Variants in FHIT observed in about 807,000 individuals in gnomAD.
FHIT encodes the protein bis(5'-adenosyl)-triphosphatase.
In FHIT, 19 loss-of-function variants were observed where a neutral mutation model predicts 17.9. The ratio of observed to expected loss-of-function variants is 1.06; its 90% CI spans 0.74 to 1.56. FHIT has a LOEUF of 1.56. Ranked by LOEUF, FHIT falls within the 40% of genes most tolerant of loss-of-function variation. The probability of loss-of-function intolerance (pLI) is 0.00; values close to 1 mark genes in which losing one functional copy is unlikely to be tolerated. For synonymous variants in FHIT, 81 were observed against 69.7 expected (o/e 1.16, Z -0.81); for missense variants, 248 against 189.2 (o/e 1.31, Z -1.82).
intron 4 of FHIT, among the ~76,000 whole-genome samples, chr3:60,589,032 C>A (rs1324893147): frequency 2.0e-5 from 3 of 151,986 alleles, no homozygotes; most frequent in African/African-American, 2.4e-5. Context: ...TCGTTGGAGC[C>A]TATGGGTTCT....
intron 3 of FHIT, among the ~76,000 whole-genome samples, chr3:61,007,720 G>A (rs529030273): frequency 6.6e-6 from 1 of 152,294 alleles, no homozygotes; most frequent in South Asian, 2.1e-4. Flanking sequence ...AGCTGTTGAT[G>A]TTCCACTCAG....
chr3:60,321,164 T>C (rs1268865874), intron 5 of FHIT, among the ~76,000 whole-genome samples: 1 of 152,178 alleles, frequency 6.6e-6, no homozygotes, highest in East Asian at 1.9e-4. Flanking sequence ...CTGCGAAGAA[T>C]GGACAGGCAG....
rs1559779409 is a variant in FHIT at position 60,860,505 on chromosome 3, ATATATGATACATATG to A, written c.-110-38509_-110-38495del. ...TACATATGTATCATATATATCAGGT[ATATATGATACATATG>A]TATCATATATATCAGGTATATATGA... On this transcript the variant is annotated intron_variant, in intron 3 of 9. Coordinates refer to ENST00000492590, the MANE Select transcript of FHIT (RefSeq NM_002012.4). Among the ~76,000 whole-genome samples the A allele has an allele frequency of 1.9e-3, 238 of 122,214 alleles. 8 individuals carry two copies. The highest frequency in any genetic ancestry group is 7.7e-3 in the African/African-American group (231 of 30,096). 80.2% of individuals were successfully genotyped at this position (122,214 alleles called of 152,430 possible).
chr3:60,114,664 T>C (rs1037548669), intron 5 of FHIT, among the ~76,000 whole-genome samples: 1 of 151,740 alleles, frequency 6.6e-6, no homozygotes, highest in Non-Finnish European at 1.5e-5. Flanking sequence ...CAGCTAATTT[T>C]TGTATTTTTT....
intron 3 of FHIT, among the ~76,000 whole-genome samples, chr3:60,881,194 A>G (rs1451934930): frequency 6.6e-6 from 1 of 152,354 alleles, no homozygotes; most frequent in Middle Eastern, 3.4e-3. Context: ...CTGTAAAAAG[A>G]GACAAAGAGG....
intron 4 of FHIT, among the ~76,000 whole-genome samples, chr3:60,753,800 A>C (rs1312805916): frequency 6.6e-6 from 1 of 152,186 alleles, no homozygotes; most frequent in Admixed American, 6.5e-5. Context: ...CCTCTGACAC[A>C]TGATACATGT....
At chr3:61,167,101 G>A (rs1358824491) in intron 2 of FHIT, 3 of 152,022 alleles carry the variant, frequency 2.0e-5, no homozygotes, top group South Asian at 2.1e-4. Flanking sequence ...GTGAAAATCC[G>A]GTAAGTGGAA....
chr3:60,216,476 T>C (rs975129087), intron 5 of FHIT, among the ~76,000 whole-genome samples: 8 of 152,184 alleles, frequency 5.3e-5, no homozygotes, highest in African/African-American at 1.9e-4. Flanking sequence ...CATGTTCTAT[T>C]TCTTCACTGG....
chr3:60,708,672 G>A (rs530156134), intron 4 of FHIT, among the ~76,000 whole-genome samples: 1 of 152,110 alleles, frequency 6.6e-6, no homozygotes, highest in Non-Finnish European at 1.5e-5. Flanking sequence ...CCAGACTTTA[G>A]GAGCCAATTA....
chr3:61,069,425 T>C (rs2034726636), intron 2 of FHIT, among the ~76,000 whole-genome samples: 1 of 152,204 alleles, frequency 6.6e-6, no homozygotes, highest in Non-Finnish European at 1.5e-5. Flanking sequence ...GGCATTGTGC[T>C]TTTCCCCCAA....
At chr3:60,952,531 A>G (rs1198440214) in intron 3 of FHIT, among the ~76,000 whole-genome samples, 2 of 152,216 alleles carry the variant, frequency 1.3e-5, no homozygotes, top group African/African-American at 4.8e-5. Flanking sequence ...GCCAAAACAT[A>G]GGGTAGTGAA....
intron 8 of FHIT, among the ~76,000 whole-genome samples, chr3:59,870,473 A>G (rs1319857864): frequency 6.6e-6 from 1 of 152,198 alleles, no homozygotes; most frequent in Non-Finnish European, 1.5e-5. Flanking sequence ...TAGTAAAGAA[A>G]ACAACAAAGG....
intron 5 of FHIT, among the ~76,000 whole-genome samples, chr3:60,187,175 A>T (rs1372865209): frequency 6.6e-6 from 1 of 152,162 alleles, no homozygotes; most frequent in African/African-American, 2.4e-5. Flanking sequence ...ATGGCCAGGG[A>T]ACACAAAATA....
chr3:60,860,753 G>A (rs367764148), intron 3 of FHIT, among the ~76,000 whole-genome samples: 104 of 3,000 alleles, frequency 0.035, 16 homozygotes, highest in South Asian at 0.25. Flanking sequence ...TATATATCAG[G>A]TATATATGAT....
chr3:61,209,550 G>A (rs192421842), intron 1 of FHIT, among the ~76,000 whole-genome samples: 59 of 151,294 alleles, frequency 3.9e-4, no homozygotes, highest in Admixed American at 1.8e-3. Context: ...TTCTCTTCTC[G>A]CTTCATTTCA....
chr3:61,119,569 G>A (rs6764687), intron 2 of FHIT, among the ~76,000 whole-genome samples: 1 of 152,090 alleles, frequency 6.6e-6, no homozygotes, highest in Non-Finnish European at 1.5e-5. Context: ...CCAGGTAGCT[G>A]GTAAAACATT....
At chr3:60,252,947 G>A (rs532446027) in intron 5 of FHIT, among the ~76,000 whole-genome samples, 1 of 151,670 alleles carries the variant, frequency 6.6e-6, no homozygotes, top group Non-Finnish European at 1.5e-5. Context: ...GCAGTGAGCC[G>A]AGATAGCGCC....
intron 5 of FHIT, among the ~76,000 whole-genome samples, chr3:60,091,970 T>C (rs905486714): frequency 7.9e-5 from 12 of 152,162 alleles, no homozygotes; most frequent in South Asian, 4.1e-4. Flanking sequence ...AAATACACCA[T>C]AGTACCTCCA....
intron 4 of FHIT, among the ~76,000 whole-genome samples, chr3:60,773,339 T>A (rs1553723648): frequency 6.6e-6 from 1 of 152,190 alleles, no homozygotes; most frequent in Non-Finnish European, 1.5e-5. Context: ...CTGTACCCAA[T>A]TAAGCCCAAA....
Sources: allele counts gnomAD v4.1 joint callset (sites outside exome capture counted in the v4.1 genomes callset), GRCh38; gene constraint gnomAD v4.1.1; transcripts MANE v1.5; gene names NCBI Gene and HGNC (gene_info 2026-07-23, HGNC 2026-07-21).